The following DST variants were observed in gnomAD, a reference collection of about 807,000 sequenced individuals.
DST encodes dystonin.
DST carries 253 observed loss-of-function variants against 875.2 expected under a neutral mutation model. The observed-to-expected ratio is 0.29, with a 90% CI of 0.26 to 0.32. The LOEUF is 0.32. Among genes scored for constraint, DST ranks in the 10% least tolerant of loss-of-function variants. DST has a pLI of 1.00. For missense variants in DST, 8,287 were observed against 9,111.6 expected (o/e 0.91, Z 3.68); for synonymous variants, 3,124 against 3,197.1 (o/e 0.98, Z 0.77).
chr6:56,674,136 G>A (rs766929265), intron 9 of DST, among the ~76,000 whole-genome samples: 1 of 152,156 alleles, frequency 6.6e-6, no homozygotes, highest in Non-Finnish European at 1.5e-5. Flanking sequence ...ATTCAGGTCA[G>A]ATTCTAGAAA....
At chr6:56,478,525 A>T (rs1349327346) in intron 90 of DST, among the ~76,000 whole-genome samples, 1 of 152,242 alleles carries the variant, frequency 6.6e-6, no homozygotes, top group Non-Finnish European at 1.5e-5. Flanking sequence ...AATGTCTCAC[A>T]TACTTAATTG....
intron 4 of DST, among the ~76,000 whole-genome samples, chr6:56,849,864 G>T (rs1318788310): frequency 6.6e-6 from 1 of 152,110 alleles, no homozygotes; most frequent in Non-Finnish European, 1.5e-5. Flanking sequence ...CATAGAACAG[G>T]TATCCCATTT....
In DST at chr6:56,553,033, C is replaced by G; in HGVS notation, c.15759G>C (p.Lys5253Asn). 6.2e-7 allele frequency: 1 copy of G among 1,613,876 alleles called. No individual in the cohort carries two copies. The highest frequency in any genetic ancestry group is 8.5e-7 in the Non-Finnish European group (1 of 1,179,884). The change falls in exon 61 of 104, where the codon AAG becomes AAC. Residue 5253 changes from lysine (K) to asparagine (N), a missense_variant. This residue lies in a region of DST where 1,513 missense variants were observed against 1,677.8 expected (regional missense o/e 0.90). Coordinates refer to ENST00000680361, the MANE Select transcript of DST (RefSeq NM_001374736.1). ...GAAGTTGTTCAGTGACCATGTCCAC[C>G]TTCTGGATCAGTGACTTATTCTCAT... ...VTDENKSLIQ[K>N]VDMVTEQLHS...
intron 2 of DST, among the ~76,000 whole-genome samples, chr6:56,922,133 C>T (rs969085888): frequency 6.6e-6 from 1 of 152,182 alleles, no homozygotes; most frequent in African/African-American, 2.4e-5. Flanking sequence ...TCAGTTAGCA[C>T]TCCCATTTCC....
chr6:56,573,898 C>T lies in DST; in HGVS notation c.13028-11G>A, dbSNP rs757935664. The stretch of plus-strand genomic sequence containing the variant: ...TCCCAACAATGTCATCTACTCCAAA[C>T]AGATCAGGAATATTAACCACAAAGT... On this transcript the variant is annotated splice_polypyrimidine_tract_variant and intron_variant, in intron 50 of 103. Transcript: ENST00000680361. 11 of 1,600,980 alleles carry T rather than the reference C, an allele frequency of 6.9e-6. No individual in the cohort carries two copies. Among genetic ancestry groups the T allele is most frequent in the Non-Finnish European group, 9.4e-6 (11 of 1,169,818 alleles).
At chr6:56,914,322 G>A (rs1348568879) in intron 2 of DST, among the ~76,000 whole-genome samples, 1 of 152,164 alleles carries the variant, frequency 6.6e-6, no homozygotes, top group Non-Finnish European at 1.5e-5. Flanking sequence ...TCTGGATAAT[G>A]TGGGGCATAC....
At chr6:56,699,899 T>G (rs192979824) in intron 8 of DST, among the ~76,000 whole-genome samples, 154 bp from the exon 9 acceptor site, 113 of 152,356 alleles carry the variant, frequency 7.4e-4, no homozygotes, top group Non-Finnish European at 1.2e-3. Flanking sequence ...ACCCTTATTC[T>G]CAATCATTTT....
Position 56,651,152 on chromosome 6 carries a change from A to G in DST, c.1307T>C (p.Ile436Thr). The change falls in exon 11 of 104, where the codon ATA becomes ACA. Residue 436 changes from isoleucine to threonine, a missense_variant. Ile to Thr is a moderately conservative substitution (Grantham distance 89). Transcript: ENST00000680361. ...AFYVAEKIGVIRLLDPEDVDV... is the reference protein window; with the variant it reads ...AFYVAEKIGVTRLLDPEDVDV... ...CTCACCTTCAGGGTCCAGAAGTCTTATAACACCAATTTTTTCTGCTACGTA... is the reference window on the plus strand; with the variant it reads ...CTCACCTTCAGGGTCCAGAAGTCTTGTAACACCAATTTTTTCTGCTACGTA... The G allele has an allele frequency of 6.2e-7, 1 of 1,612,794 alleles. No homozygotes were observed. Among genetic ancestry groups the G allele is most frequent in the African/African-American group, 1.3e-5 (1 of 75,052 alleles).
Position 56,487,282 on chromosome 6 carries a change from T to A in DST, c.20878-9A>T, listed in dbSNP as rs1447590788. The A allele has an allele frequency of 6.6e-7, 1 of 1,526,266 alleles. No individual in the cohort carries two copies. Among genetic ancestry groups the A allele is most frequent in the African/African-American group, 1.4e-5 (1 of 72,018 alleles). The allele number at this position is 1,526,266 out of a possible 1,614,324, so 94.5% of individuals were successfully genotyped here. ...AGTGATTTCTGAAACTCCTAAATAT[T>A]TAACAAGAAAAAAATGCGAATTTCT... On this transcript the variant is annotated splice_polypyrimidine_tract_variant and intron_variant, in intron 86 of 103. Transcript: ENST00000680361.
At chr6:56,810,689 T>C (rs1358069048) in intron 4 of DST, among the ~76,000 whole-genome samples, 1 of 150,228 alleles carries the variant, frequency 6.7e-6, no homozygotes, top group Non-Finnish European at 1.5e-5. Context: ...AAAAGGCAAA[T>C]GATTTGCTCA....
intron 5 of DST, among the ~76,000 whole-genome samples, chr6:56,722,152 G>A (rs1371902960): frequency 1.3e-5 from 2 of 151,660 alleles, no homozygotes; most frequent in Admixed American, 6.6e-5. Context: ...TTGGCCCACA[G>A]GCCATAGTCT....
Position 56,472,186 on chromosome 6 carries a change from C to G in DST, c.22031G>C (p.Gly7344Ala). 6.2e-7 allele frequency: 1 copy of G among 1,613,790 alleles called. No homozygotes were observed. The highest frequency in any genetic ancestry group is 8.5e-7 in the Non-Finnish European group (1 of 1,179,830). The change falls in exon 94 of 104, where the codon GGG becomes GCG. Residue 7344 changes from glycine (G) to alanine (A), a missense_variant. Physicochemically the swap from Gly to Ala is moderately conservative, Grantham distance 60. Coordinates refer to ENST00000680361, the MANE Select transcript of DST (RefSeq NM_001374736.1). The part of the protein sequence containing the change: ...RFPASSLYPS[G>A]SQTQIETKNP... ...TTTGGTTTCAATTTGTGTCTGTGAC[C>G]CAGAGGGATACAAGCTTGATGCTGG... is the stretch of plus-strand genomic sequence containing the variant.
At chr6:56,932,067 G>T (rs2127764021) in intron 2 of DST, among the ~76,000 whole-genome samples, 1 of 152,262 alleles carries the variant, frequency 6.6e-6, no homozygotes, top group South Asian at 2.1e-4. Context: ...GTTTGGCTCT[G>T]TGTCCCCACC....
At chr6:56,942,706 CTTTTT>C (rs67354752) in intron 2 of DST, among the ~76,000 whole-genome samples, 1 of 66,004 alleles carries the variant, frequency 1.5e-5, no homozygotes, top group Non-Finnish European at 2.8e-5. Context: ...TGCCATTTCT[CTTTTT>C]TTTTTTTTTT....
At chr6:56,757,790 G>A (rs541478180) in intron 4 of DST, among the ~76,000 whole-genome samples, 2 of 152,164 alleles carry the variant, frequency 1.3e-5, no homozygotes, top group Non-Finnish European at 2.9e-5. Flanking sequence ...TAAGTCTGCA[G>A]GAACAAGAAG....
chr6:56,880,187 G>A (rs930120425), intron 3 of DST, among the ~76,000 whole-genome samples: 1 of 152,102 alleles, frequency 6.6e-6, no homozygotes, highest in African/African-American at 2.4e-5. Flanking sequence ...AAAGTTAAGC[G>A]ATAACTCTTC....
chr6:56,642,377 C>A, intron 16 of DST, 33 bp downstream of exon 16: 1 of 1,493,704 alleles, frequency 6.7e-7, no homozygotes, highest in Non-Finnish European at 9.3e-7. Flanking sequence ...GACTCCTCTA[C>A]CACAACCCCA....
At chr6:56,616,210 C>G in intron 36 of DST, 2 of 1,614,174 alleles carry the variant, frequency 1.2e-6, no homozygotes, top group Non-Finnish European at 1.7e-6. Context: ...CTTCCTGATA[C>G]TTTTTGACCA....
At chr6:56,810,945 G>A (rs1323065829) in intron 4 of DST, among the ~76,000 whole-genome samples, 1 of 151,980 alleles carries the variant, frequency 6.6e-6, no homozygotes, top group Non-Finnish European at 1.5e-5. Context: ...ACTTTGGGAG[G>A]CAGAGGCAGG....
Sources: gnomAD v4.1 joint callset for allele counts (sites outside exome capture counted in the v4.1 genomes callset) on GRCh38, gnomAD v4.1.1 for gene constraint, gnomAD v4.1.1 regional missense constraint, MANE v1.5 for transcripts, NCBI Gene and HGNC (gene_info 2026-07-23, HGNC 2026-07-21) for gene names.